The following FAM83E variants were observed in gnomAD, a reference collection of about 807,000 sequenced individuals.
FAM83E encodes the protein protein FAM83E.
FAM83E carries 29 observed loss-of-function variants against 34.3 expected under a neutral mutation model. That is an observed-to-expected ratio of 0.85 (90% confidence interval 0.63 to 1.15). The LOEUF is 1.15. Among genes scored for constraint, FAM83E ranks in the 50% most tolerant of loss-of-function variants. FAM83E has a pLI of 0.00. For synonymous variants in FAM83E, 312 were observed against 311.6 expected, an observed-to-expected ratio of 1.00 and a Z score of -0.01; for missense variants, 697 against 685.0, an observed-to-expected ratio of 1.02 and a Z score of -0.20.
rs748927204 is a variant in FAM83E, at chr19:48,603,569, CG to C, written c.1100del (p.Pro367ArgfsTer11). Reference sequence around the variant, plus strand: ...CCCACATGGAGCGGCTGGGCCGGGCCGGGGGGCCGCTGGGGGTCCGGGCGCG... The same window carrying C: ...CCCACATGGAGCGGCTGGGCCGGGCCGGGGGCCGCTGGGGGTCCGGGCGCG... ...VQRARTPSGPPARPSRSMWDL... is the reference protein window; with the variant it reads ...VQRARTPSGPXARPSRSMWDL... On this transcript the variant is annotated frameshift_variant, in exon 6 of 7. Transcript: ENST00000263266. LOFTEE classifies it high-confidence loss of function. 16 of 1,555,430 alleles carry C rather than the reference CG, an allele frequency of 1.0e-5. No homozygotes were observed. Among genetic ancestry groups the C allele is most frequent in the African/African-American group, 2.8e-5 (2 of 70,804 alleles).
chr19:48,609,546 A>G (rs1974002772), intron 5 of FAM83E, among the ~76,000 whole-genome samples: 1 of 152,050 alleles, frequency 6.6e-6, no homozygotes, highest in Non-Finnish European at 1.5e-5. Context: ...AGATGCTCAG[A>G]GAGGTGGAGT....
chr19:48,607,241 C>A, intron 5 of FAM83E: 1 of 1,611,514 alleles, frequency 6.2e-7, no homozygotes, highest in Non-Finnish European at 8.5e-7. Context: ...AGCCTCACCA[C>A]CAACTGCTGC....
In FAM83E at chr19:48,603,565, G is replaced by A. The variant is rs376286714; in HGVS notation, c.1105C>T (p.Arg369Trp). The A allele has an allele frequency of 2.6e-6, 4 of 1,555,670 alleles. No homozygotes were observed. The highest frequency in any genetic ancestry group is 3.7e-5 in the Admixed American group (2 of 53,428). ...RARTPSGPPA[R>W]PSRSMWDLSR... ...AGGTCCCACATGGAGCGGCTGGGCCGGGCCGGGGGGCCGCTGGGGGTCCGG... is the reference window on the plus strand; with the variant it reads ...AGGTCCCACATGGAGCGGCTGGGCCAGGCCGGGGGGCCGCTGGGGGTCCGG... Residue 369 changes from arginine to tryptophan, a missense_variant, in exon 6 of 7, where the codon CGG becomes TGG. By Grantham distance (101) the Arg-to-Trp change is moderately radical. Coordinates refer to ENST00000263266, the MANE Select transcript of FAM83E (RefSeq NM_017708.4).
chr19:48,612,767 A>G, intron 3 of FAM83E, 141 bp downstream of exon 3: 1 of 947,298 alleles, frequency 1.1e-6, no homozygotes, highest in Non-Finnish European at 1.5e-6. Flanking sequence ...TGGGGCTGGA[A>G]GGTGTGCACT....
chr19:48,609,050 GT>G (rs988705228), intron 5 of FAM83E, among the ~76,000 whole-genome samples: 4 of 152,096 alleles, frequency 2.6e-5, no homozygotes, highest in Admixed American at 2.6e-4. Context: ...GAGGGACCTG[GT>G]TCTAGAGGCT....
At position 48,609,332 on chromosome 19, in the gene FAM83E, C is replaced by T. The variant is rs1206315154; in HGVS notation, c.758+544G>A. Among the ~76,000 whole-genome samples the T allele has an allele frequency of 6.9e-5, 9 of 131,140 alleles. 1 individual carries two copies. In the South Asian group the frequency reaches 1.0e-3, roughly 15 times the overall value. The allele number at this position is 131,140 out of a possible 152,430, so 86.0% of individuals were successfully genotyped here. ...TTGCTCTGTCTCCCAGGCTGGAGTG[C>T]GACAGCGCGATCTCGGCTCACTGCA... On this transcript the variant is annotated intron_variant, in intron 5 of 6. Coordinates refer to ENST00000263266, the MANE Select transcript of FAM83E (RefSeq NM_017708.4).
intron 5 of FAM83E, among the ~76,000 whole-genome samples, chr19:48,604,851 C>T (rs1973896355): frequency 6.6e-6 from 1 of 150,944 alleles, no homozygotes. Context: ...GAAACCCCAT[C>T]TCTACTAAAA....
chr19:48,612,803 T>G (rs1018379831), intron 3 of FAM83E, 105 bp downstream of exon 3: 7 of 1,317,862 alleles, frequency 5.3e-6, no homozygotes, highest in Non-Finnish European at 7.1e-6. Context: ...TATAGGTCCT[T>G]TAGGGTAGGG....
At position 48,601,376 on chromosome 19, in the gene FAM83E, AG is replaced by A; in HGVS notation, c.1177-8del. The A allele has an allele frequency of 6.4e-7, 1 of 1,558,662 alleles. No homozygotes were observed. Among genetic ancestry groups the A allele is most frequent in the Non-Finnish European group, 8.7e-7 (1 of 1,150,788 alleles). ...AGCCCCAGGATTTCTTGAGCTGTGGAGGGAAAGAGAGGGAGGTGAGAGGAGG... is the reference window on the plus strand; with the variant it reads ...AGCCCCAGGATTTCTTGAGCTGTGGAGGAAAGAGAGGGAGGTGAGAGGAGG... On this transcript the variant is annotated splice_polypyrimidine_tract_variant and splice_region_variant and intron_variant, in intron 6 of 6. Coordinates refer to ENST00000263266, the MANE Select transcript of FAM83E (RefSeq NM_017708.4).
chr19:48,611,326 G>A (rs1974038917), intron 3 of FAM83E, among the ~76,000 whole-genome samples: 1 of 151,498 alleles, frequency 6.6e-6, no homozygotes, highest in Admixed American at 6.6e-5. Context: ...CCACCACCAC[G>A]CCCAGCTAAT....
At chr19:48,607,628 T>G in intron 5 of FAM83E, 2 of 482,548 alleles carry the variant, frequency 4.1e-6, no homozygotes, top group Non-Finnish European at 7.6e-6. Flanking sequence ...ATCAGGATGC[T>G]TCTCTCCATT....
In FAM83E at chr19:48,601,241, G is replaced by C. The variant is rs770618307; in HGVS notation, c.1305C>G (p.Pro435=). ...PPWGGALPLP[P]AHRLRYLSPA... ...GGGACAGATAGCGGAGGCGGTGGGC[G>C]GGGGGCAGGGGCAGGGCACCGCCCC... The change falls in exon 7 of 7, where the codon CCC becomes CCG. Residue 435 remains proline, a synonymous_variant. Coordinates refer to ENST00000263266, the MANE Select transcript of FAM83E (RefSeq NM_017708.4). The C allele has an allele frequency of 2.5e-6, 4 of 1,604,544 alleles. No homozygotes were observed. The highest frequency in any genetic ancestry group is 1.7e-4 in the Middle Eastern group (1 of 6,026).
chr19:48,605,433 G>A (rs1973910804), intron 5 of FAM83E, among the ~76,000 whole-genome samples: 1 of 152,098 alleles, frequency 6.6e-6, no homozygotes, highest in Admixed American at 6.6e-5. Flanking sequence ...AAATTAGCCG[G>A]GCATGGTGGT....
At chr19:48,607,415 G>A in intron 5 of FAM83E, 1 of 1,503,618 alleles carries the variant, frequency 6.7e-7, no homozygotes, top group Non-Finnish European at 8.9e-7. Context: ...ATGTCCCCAT[G>A]TCCTTCCCCC....
chr19:48,604,061 A>C (rs1415064777), intron 5 of FAM83E, 150 bp from the exon 6 acceptor site: 2 of 738,604 alleles, frequency 2.7e-6, no homozygotes, highest in African/African-American at 1.9e-5. Flanking sequence ...AATGGGCACA[A>C]CTGAAGTACC....
chr19:48,614,272 C>T lies in FAM83E; in HGVS notation c.-900G>A. 1.0e-6 allele frequency: 1 copy of T among 985,514 alleles called. No homozygotes were observed. Among genetic ancestry groups the T allele is most frequent in the Non-Finnish European group, 1.2e-6 (1 of 830,068 alleles). 61.0% of individuals were successfully genotyped at this position (985,514 alleles called of 1,614,324 possible). On this transcript the variant is annotated 5_prime_UTR_variant, in exon 3 of 7. Transcript: ENST00000263266. ...TGGGACAGGTCTATGATCTTCACAG[C>T]CCATCTAGGTGTGAGTGCCACCTAA...
At chr19:48,612,654 G>C (rs1006452379) in intron 3 of FAM83E, among the ~76,000 whole-genome samples, 1 of 138,252 alleles carries the variant, frequency 7.2e-6, no homozygotes, top group Admixed American at 7.6e-5. Context: ...CGTCCACCTC[G>C]GCCTCCCAAA....
At chr19:48,609,185 A>G (rs777646217) in intron 5 of FAM83E, among the ~76,000 whole-genome samples, 81 of 151,352 alleles carry the variant, frequency 5.4e-4, no homozygotes, top group Non-Finnish European at 1.0e-3. Context: ...GTCTGGTCCC[A>G]GAGGCCACAC....
chr19:48,611,554 G>A (rs1032098930), intron 3 of FAM83E, among the ~76,000 whole-genome samples: 2 of 150,048 alleles, frequency 1.3e-5, no homozygotes, highest in African/African-American at 2.5e-5. Context: ...TGCAACTTCG[G>A]CCTCTGGGAC....
Sources: allele counts gnomAD v4.1 joint callset (sites outside exome capture counted in the v4.1 genomes callset), GRCh38; gene constraint gnomAD v4.1.1; transcripts MANE v1.5; gene names NCBI Gene and HGNC (gene_info 2026-07-23, HGNC 2026-07-21).